GNB4: variants seen among roughly 807,000 people sequenced by gnomAD.
GNB4 encodes the protein guanine nucleotide-binding protein subunit beta-4.
In GNB4, 28 loss-of-function variants were observed where a neutral mutation model predicts 45.2. The ratio of observed to expected loss-of-function variants is 0.62; its 90% CI spans 0.46 to 0.85. The LOEUF (loss-of-function observed/expected upper bound fraction) is 0.85. Among genes scored for constraint, GNB4 ranks in the 40% least tolerant of loss-of-function variants. The pLI, the probability that GNB4 is intolerant of heterozygous loss-of-function variation, is 0.00. For synonymous variants in GNB4, 132 were observed against 143.7 expected, an observed-to-expected ratio of 0.92 and a Z score of 0.58; for missense variants, 321 against 425.4, an observed-to-expected ratio of 0.75 and a Z score of 2.16.
intron 8 of GNB4, among the ~76,000 whole-genome samples, chr3:179,411,884 C>A (rs560179425): frequency 6.6e-6 from 1 of 152,116 alleles, no homozygotes; most frequent in Non-Finnish European, 1.5e-5. Context: ...AAATCCTTGG[C>A]AATTATGGTA....
intron 1 of GNB4, among the ~76,000 whole-genome samples, chr3:179,444,811 A>C (rs528435451): frequency 6.6e-6 from 1 of 152,350 alleles, no homozygotes; most frequent in East Asian, 1.9e-4. Context: ...AGCCTTTTTA[A>C]CTATCCTAAA....
intron 8 of GNB4, among the ~76,000 whole-genome samples, chr3:179,406,659 C>A (rs1276988944): frequency 1.3e-5 from 2 of 152,138 alleles, no homozygotes; most frequent in African/African-American, 4.8e-5. Flanking sequence ...GTCACCCAGG[C>A]TGGAGTGCAG....
In GNB4 at chr3:179,420,944, T is replaced by C. The variant is rs751690639; in HGVS notation, c.58-17A>G. On this transcript the variant is annotated splice_polypyrimidine_tract_variant and intron_variant, in intron 2 of 9. Transcript: ENST00000232564. The stretch of plus-strand genomic sequence containing the variant: ...CCGAGCATCCTGAAGTAAAAAAATA[T>C]GATTATAATGCATTTAGCAACCTGT... The C allele has an allele frequency of 4.7e-6, 7 of 1,487,560 alleles. No homozygotes were observed. In the Admixed American group the frequency reaches 1.2e-4, roughly 26 times the overall value. 92.1% of individuals were successfully genotyped at this position (1,487,560 alleles called of 1,614,324 possible). A position where few individuals can be genotyped will look rare whatever the true frequency, so the allele number is the denominator to read the frequency against.
At position 179,419,478 on chromosome 3, in the gene GNB4, G is replaced by A. The variant is rs770541851; in HGVS notation, c.124C>T (p.Arg42Ter). The change falls in exon 4 of 10, where the codon CGA (arginine) becomes TGA (stop). Residue 42 changes from arginine to a stop codon, truncating the protein, a stop_gained. Transcript: ENST00000232564. LOFTEE classifies it high-confidence loss of function. ...GTACGTCTTGTTCGCATTTGTATTC[G>A]ACCCACAGAGTCCATATTTGATGTA... ...QITSNMDSVG[R>*]IQMRTRRTLR... The A allele has an allele frequency of 1.9e-6, 3 of 1,609,602 alleles. No individual in the cohort carries two copies. The highest frequency in any genetic ancestry group is 2.6e-6 in the Non-Finnish European group (3 of 1,176,052).
the GNB4 span, among the ~76,000 whole-genome samples, chr3:179,483,830 A>C: frequency 0.028 from 4,336 of 152,308 alleles, 168 homozygotes; most frequent in African/African-American, 0.093. Flanking sequence ...TCCTAATAGT[A>C]GTATCAGGCT....
the GNB4 span, among the ~76,000 whole-genome samples, chr3:179,472,875 A>G: frequency 6.6e-6 from 1 of 152,150 alleles, no homozygotes; most frequent in Non-Finnish European, 1.5e-5. Flanking sequence ...TGAAAATGAC[A>G]AAAGTTGGCC....
At chr3:179,421,958 C>T (rs1714993765) in intron 2 of GNB4, among the ~76,000 whole-genome samples, 1 of 152,080 alleles carries the variant, frequency 6.6e-6, no homozygotes, top group Non-Finnish European at 1.5e-5. Context: ...GAGTTAAAGA[C>T]CAAATTCTTA....
chr3:179,494,898 ACT>A, the GNB4 span, among the ~76,000 whole-genome samples: 65 of 126,694 alleles, frequency 5.1e-4, no homozygotes, highest in East Asian at 7.7e-3. Context: ...ACAGAGTGAG[ACT>A]CTGTCTCAAA....
the GNB4 span, among the ~76,000 whole-genome samples, chr3:179,499,117 G>C: frequency 1.3e-5 from 2 of 149,330 alleles, no homozygotes; most frequent in African/African-American, 2.5e-5. Flanking sequence ...TGGCTGCATA[G>C]TATTCCATGG....
At chr3:179,464,372 G>C in the GNB4 span, 1 of 929,884 alleles carries the variant, frequency 1.1e-6, no homozygotes, top group Non-Finnish European at 1.8e-6. Flanking sequence ...TCATGTCCAG[G>C]TTGGCTGCCT....
At chr3:179,422,153 T>G (rs1480037150) in intron 2 of GNB4, among the ~76,000 whole-genome samples, 1 of 152,206 alleles carries the variant, frequency 6.6e-6, no homozygotes, top group Non-Finnish European at 1.5e-5. Context: ...TAACACAATT[T>G]AAAAATTGCA....
At chr3:179,439,603 A>G (rs919842013) in intron 1 of GNB4, among the ~76,000 whole-genome samples, 9 of 152,248 alleles carry the variant, frequency 5.9e-5, no homozygotes, top group Admixed American at 4.6e-4. Context: ...GTGGGGACAT[A>G]GGACAGGACT....
intron 1 of GNB4, among the ~76,000 whole-genome samples, chr3:179,432,539 A>T (rs150717553): frequency 1.3e-5 from 2 of 152,350 alleles, no homozygotes; most frequent in East Asian, 3.9e-4. Flanking sequence ...AAAAAAGGCC[A>T]TAGGATGCCC....
intron 9 of GNB4, among the ~76,000 whole-genome samples, chr3:179,404,228 T>C (rs1714394902): frequency 6.6e-6 from 1 of 152,198 alleles, no homozygotes. Context: ...GTCGGAATTA[T>C]GTAAACAGTG....
intron 1 of GNB4, chr3:179,450,900 T>A (rs1026409681): frequency 1.3e-5 from 2 of 152,228 alleles, no homozygotes; most frequent in Non-Finnish European, 2.9e-5. Context: ...GTAGAACTTT[T>A]ATGAGTCTTC....
At chr3:179,513,075 G>T in the GNB4 span, among the ~76,000 whole-genome samples, 3 of 151,450 alleles carry the variant, frequency 2.0e-5, no homozygotes, top group Admixed American at 6.6e-5. Flanking sequence ...AATAAGAGAT[G>T]TAAGTTGCAG....
chr3:179,521,471 CA>C, the GNB4 span, among the ~76,000 whole-genome samples: 3 of 152,172 alleles, frequency 2.0e-5, no homozygotes, highest in Non-Finnish European at 4.4e-5. Context: ...AGTCTCATTC[CA>C]GACACCAGAC....
intron 1 of GNB4, among the ~76,000 whole-genome samples, chr3:179,446,800 T>C (rs1028999298): frequency 6.6e-6 from 1 of 152,238 alleles, no homozygotes; most frequent in African/African-American, 2.4e-5. Context: ...GCACTAACGC[T>C]GTAAGATTCT....
rs201658867 is a variant in GNB4 at position 179,448,474 on chromosome 3, GTTTT to G, written c.-43+2868_-43+2871del. ...TAATCCTGTGCTCAAAACTTACTTG[GTTTT>G]TTTTTTTTTCTTCTGGGAGTTTATA... On this transcript the variant is annotated intron_variant, in intron 1 of 9. Coordinates refer to ENST00000232564, the MANE Select transcript of GNB4 (RefSeq NM_021629.4). Among the ~76,000 whole-genome samples the G allele has an allele frequency of 7.1e-4, 101 of 142,324 alleles. 1 individual carries two copies. Among genetic ancestry groups the G allele is most frequent in the African/African-American group, 2.5e-3 (98 of 38,988 alleles). The allele number at this position is 142,324 out of a possible 152,430, so 93.4% of individuals were successfully genotyped here.
Sources: gnomAD v4.1 joint callset for allele counts (sites outside exome capture counted in the v4.1 genomes callset) on GRCh38, gnomAD v4.1.1 for gene constraint, MANE v1.5 for transcripts, NCBI Gene and HGNC (gene_info 2026-07-23, HGNC 2026-07-21) for gene names.